Variants in STIM2 observed in about 807,000 individuals in gnomAD.
STIM2 encodes stromal interaction molecule 2.
Under a neutral mutation model 85.8 loss-of-function variants are expected in STIM2, and 31 were observed. The ratio of observed to expected loss-of-function variants is 0.36; its 90% CI spans 0.27 to 0.49. STIM2 has a LOEUF of 0.49. STIM2 is among the 20% of genes least tolerant of loss of function. The pLI, the probability that STIM2 is intolerant of heterozygous loss-of-function variation, is 0.98. For synonymous variants in STIM2, 356 were observed against 331.1 expected (o/e 1.08, Z -0.82); for missense variants, 841 against 927.6 (o/e 0.91, Z 1.21).
chr4:26,969,984 T>C (rs1300463920), intron 3 of STIM2, among the ~76,000 whole-genome samples: 6 of 144,088 alleles, frequency 4.2e-5, no homozygotes, highest in Non-Finnish European at 7.6e-5. Flanking sequence ...CATTTTAAAA[T>C]TTGAGCAGTT....
chr4:26,956,534 C>G (rs1440137627), intron 2 of STIM2, among the ~76,000 whole-genome samples: 2 of 151,388 alleles, frequency 1.3e-5, no homozygotes, highest in African/African-American at 4.8e-5. Flanking sequence ...GCCTCAAACT[C>G]CTGGGCTCAA....
At chr4:26,907,390 T>G (rs2109056837) in intron 1 of STIM2, among the ~76,000 whole-genome samples, 1 of 152,312 alleles carries the variant, frequency 6.6e-6, no homozygotes, top group Non-Finnish European at 1.5e-5. Flanking sequence ...CACTTCTCTC[T>G]TAAACTATTA....
chr4:26,910,468 G>A (rs1724294290), intron 1 of STIM2, among the ~76,000 whole-genome samples: 1 of 152,068 alleles, frequency 6.6e-6, no homozygotes. Flanking sequence ...AGGTTACAGT[G>A]AGCTGAGATC....
At chr4:26,921,476 C>G (rs1048545296) in intron 2 of STIM2, among the ~76,000 whole-genome samples, 5 of 152,160 alleles carry the variant, frequency 3.3e-5, no homozygotes, top group African/African-American at 1.2e-4. Context: ...TATTCAACTC[C>G]GCCACTATAG....
chr4:27,023,130 G>C lies in STIM2; in HGVS notation c.*134G>C. 2.4e-6 allele frequency: 2 copies of C among 822,822 alleles called. No individual in the cohort carries two copies. The highest frequency in any genetic ancestry group is 3.9e-6 in the Non-Finnish European group (2 of 516,962). The allele number at this position is 822,822 out of a possible 1,614,324, so 51.0% of individuals were successfully genotyped here. Reference sequence around the variant, plus strand: ...GGGGCTTTCCAGGCCGGATGCCATAGTGGAACATCCAGAAGGGCAACTGTC... The same window carrying C: ...GGGGCTTTCCAGGCCGGATGCCATACTGGAACATCCAGAAGGGCAACTGTC... On this transcript the variant is annotated 3_prime_UTR_variant, in exon 12 of 12. Coordinates refer to ENST00000467087, the MANE Select transcript of STIM2 (RefSeq NM_020860.4).
intron 2 of STIM2, among the ~76,000 whole-genome samples, chr4:26,949,365 C>T (rs6448488): frequency 0.21 from 31,871 of 151,984 alleles, 3,446 homozygotes; most frequent in East Asian, 0.41. Context: ...TTTATTTTAT[C>T]TCACAGTCCT....
intron 1 of STIM2, chr4:26,881,735 C>G (rs1028286973): frequency 3.9e-5 from 6 of 152,164 alleles, no homozygotes; most frequent in African/African-American, 1.4e-4. Flanking sequence ...AAAAATCCAA[C>G]GTATCCTGAG....
At chr4:26,908,112 T>TA (rs969149284) in intron 1 of STIM2, among the ~76,000 whole-genome samples, 7 of 152,358 alleles carry the variant, frequency 4.6e-5, no homozygotes, top group East Asian at 1.9e-4. Context: ...TAGCAACACT[T>TA]ACGTCTCAAA....
chr4:26,977,506 G>A (rs1727242927), intron 3 of STIM2, among the ~76,000 whole-genome samples: 1 of 152,194 alleles, frequency 6.6e-6, no homozygotes, highest in African/African-American at 2.4e-5. Flanking sequence ...AGAAGTAGAA[G>A]ACCTGTTGAG....
At chr4:26,952,762 T>A (rs372817348) in intron 2 of STIM2, among the ~76,000 whole-genome samples, 16 of 152,114 alleles carry the variant, frequency 1.1e-4, no homozygotes, top group African/African-American at 3.9e-4. Flanking sequence ...TCTAAGAGTT[T>A]AGGATCCATG....
intron 1 of STIM2, among the ~76,000 whole-genome samples, chr4:26,912,360 A>T (rs1186464700): frequency 6.6e-6 from 1 of 152,200 alleles, no homozygotes; most frequent in African/African-American, 2.4e-5. Flanking sequence ...GCTGACTTAA[A>T]TAATATTATA....
At chr4:26,880,458 A>G (rs1227811608) in intron 1 of STIM2, among the ~76,000 whole-genome samples, 1 of 151,796 alleles carries the variant, frequency 6.6e-6, no homozygotes, top group Non-Finnish European at 1.5e-5. Context: ...TGTTATCTGT[A>G]CTTATCCACA....
At position 27,007,601 on chromosome 4, in the gene STIM2, A is replaced by G. The variant is rs377651817; in HGVS notation, c.1050A>G (p.Ala350=). 1.1e-4 allele frequency: 172 copies of G among 1,608,008 alleles called. No homozygotes were observed. The highest frequency in any genetic ancestry group is 1.3e-4 in the Non-Finnish European group (148 of 1,177,866). ...GAAGCAGTTGGTCTGTTCCAGATGCACTTCAGAAATGGCTTCAGTTAACAC... is the reference window on the plus strand; with the variant it reads ...GAAGCAGTTGGTCTGTTCCAGATGCGCTTCAGAAATGGCTTCAGTTAACAC... Residue 350 remains alanine (A), a synonymous_variant, in exon 8 of 12, where the codon GCA becomes GCG. Transcript: ENST00000467087.
intron 1 of STIM2, among the ~76,000 whole-genome samples, chr4:26,910,448 C>A (rs1373303312): frequency 6.6e-6 from 1 of 152,008 alleles, no homozygotes; most frequent in Non-Finnish European, 1.5e-5. Flanking sequence ...TGCCTGAACT[C>A]CGGAGGCAGA....
intron 3 of STIM2, among the ~76,000 whole-genome samples, chr4:26,972,299 G>A (rs549976036): frequency 1.3e-5 from 2 of 152,162 alleles, no homozygotes; most frequent in South Asian, 4.1e-4. Flanking sequence ...TGGTGAGAGA[G>A]GGCGTCCTTG....
chr4:26,958,646 G>A (rs1006049564), intron 3 of STIM2, among the ~76,000 whole-genome samples: 6 of 151,852 alleles, frequency 4.0e-5, no homozygotes, highest in Non-Finnish European at 5.9e-5. Context: ...GAAGAAAGAA[G>A]AAAACAATTA....
At chr4:26,967,682 G>A (rs1366201159) in intron 3 of STIM2, among the ~76,000 whole-genome samples, 1 of 152,058 alleles carries the variant, frequency 6.6e-6, no homozygotes, top group Non-Finnish European at 1.5e-5. Flanking sequence ...CTGTTATTAA[G>A]GATCTCATAT....
intron 1 of STIM2, among the ~76,000 whole-genome samples, chr4:26,887,680 C>T (rs1186292801): frequency 6.6e-6 from 1 of 151,796 alleles, no homozygotes; most frequent in Non-Finnish European, 1.5e-5. Flanking sequence ...AGAAATAGAA[C>T]CAGAAGGAAT....
intron 1 of STIM2, chr4:26,873,784 T>C (rs1722715260): frequency 7.0e-6 from 6 of 859,354 alleles, no homozygotes; most frequent in Middle Eastern, 2.4e-4. Flanking sequence ...GCAGAGGGGC[T>C]CTGTCAAGGG....
Sources: allele counts gnomAD v4.1 joint callset (sites outside exome capture counted in the v4.1 genomes callset), GRCh38; gene constraint gnomAD v4.1.1; transcripts MANE v1.5; gene names NCBI Gene and HGNC (gene_info 2026-07-23, HGNC 2026-07-21).